NPHP3: variants seen among roughly 807,000 people sequenced by gnomAD.
NPHP3 encodes the protein nephrocystin 3.
In NPHP3, 123 loss-of-function variants were observed where a neutral mutation model predicts 171.9. The observed-to-expected ratio is 0.72, with a 90% CI of 0.62 to 0.83. The LOEUF is 0.83. Ranked by LOEUF, NPHP3 falls within the 40% of genes least tolerant of loss-of-function variation. The probability of loss-of-function intolerance (pLI) is 0.00; values close to 1 mark genes in which losing one functional copy is unlikely to be tolerated. For synonymous variants in NPHP3, 558 were observed against 579.2 expected, an observed-to-expected ratio of 0.96 and a Z score of 0.52; for missense variants, 1,506 against 1,591.9, an observed-to-expected ratio of 0.95 and a Z score of 0.92.
At chr3:132,682,510 C>A in intron 26 of NPHP3, 193 bp downstream of exon 26, 1 of 601,106 alleles carries the variant, frequency 1.7e-6, no homozygotes, top group Admixed American at 2.9e-5. Flanking sequence ...ACATATGCTC[C>A]TCTGCAAAAT....
intron 8 of NPHP3, among the ~76,000 whole-genome samples, chr3:132,704,596 A>T (rs1463718798): frequency 3.9e-5 from 6 of 152,242 alleles, no homozygotes; most frequent in Non-Finnish European, 8.8e-5. Context: ...ACCTCTTTTT[A>T]TAAAAATAAA....
chr3:132,715,367 A>T, intron 4 of NPHP3, 149 bp from the exon 5 acceptor site: 1 of 671,238 alleles, frequency 1.5e-6, no homozygotes, highest in Non-Finnish European at 2.6e-6. Flanking sequence ...ATATATTCAA[A>T]GGCAATTAGT....
intron 21 of NPHP3, among the ~76,000 whole-genome samples, 185 bp from the exon 22 acceptor site, chr3:132,687,411 A>C (rs1939189288): frequency 6.6e-6 from 1 of 152,202 alleles, no homozygotes; most frequent in African/African-American, 2.4e-5. Context: ...AATATGACAA[A>C]ACACTAAGAT....
chr3:132,718,091 C>T (rs1940107063), intron 3 of NPHP3: 2 of 453,468 alleles, frequency 4.4e-6, no homozygotes, highest in Non-Finnish European at 8.9e-6. Context: ...ATAAAAATTC[C>T]AGGATGTTGG....
chr3:132,720,341 C>T (rs1012991756), intron 1 of NPHP3, among the ~76,000 whole-genome samples: 18 of 152,098 alleles, frequency 1.2e-4, no homozygotes, highest in Admixed American at 9.2e-4. Flanking sequence ...GAGAAAGGAA[C>T]CAGTATGTTT....
In NPHP3 at chr3:132,700,330, A is replaced by C; in HGVS notation, c.1743+4T>G. The C allele has an allele frequency of 6.4e-7, 1 of 1,570,086 alleles. No individual in the cohort carries two copies. The highest frequency in any genetic ancestry group is 1.3e-5 in the African/African-American group (1 of 74,120). Reference sequence around the variant, plus strand: ...CTGTAATTCCAAAAGATGGGATACTATACCTTTAGAGTTAGTCGTTTAATA... The same window carrying C: ...CTGTAATTCCAAAAGATGGGATACTCTACCTTTAGAGTTAGTCGTTTAATA... On this transcript the variant is annotated splice_donor_region_variant and intron_variant, in intron 11 of 26. Transcript: ENST00000337331.
chr3:132,721,210 G>A (rs1208323287), intron 1 of NPHP3, among the ~76,000 whole-genome samples: 1 of 152,174 alleles, frequency 6.6e-6, no homozygotes, highest in Non-Finnish European at 1.5e-5. Flanking sequence ...GAGCCACCAC[G>A]CCCGGCTGCT....
At chr3:132,707,382 C>T (rs574290934) in intron 7 of NPHP3, among the ~76,000 whole-genome samples, 3 of 152,062 alleles carry the variant, frequency 2.0e-5, no homozygotes, top group South Asian at 4.1e-4. Context: ...GAGGACTGCT[C>T]GATCTCTGAG....
In NPHP3 at chr3:132,715,081, T is replaced by C. The variant is rs754152785; in HGVS notation, c.957+4A>G. 1.2e-6 allele frequency: 2 copies of C among 1,609,060 alleles called. No homozygotes were observed. The highest frequency in any genetic ancestry group is 2.7e-5 in the African/African-American group (2 of 74,970). On this transcript the variant is annotated splice_donor_region_variant and intron_variant, in intron 5 of 26. Transcript: ENST00000337331. ...GTTGATACAGAATTTATAAATATCCTCACCTTAAGGAAAAGATCCATCTCA... is the reference window on the plus strand; with the variant it reads ...GTTGATACAGAATTTATAAATATCCCCACCTTAAGGAAAAGATCCATCTCA...
In NPHP3 at chr3:132,699,427, C is replaced by T. The variant is rs919854764; in HGVS notation, c.1911G>A (p.Trp637Ter). 6.2e-7 allele frequency: 1 copy of T among 1,610,888 alleles called. No homozygotes were observed. The highest frequency in any genetic ancestry group is 1.3e-5 in the African/African-American group (1 of 74,868). Residue 637 changes from tryptophan to a stop codon, truncating the protein, a stop_gained, in exon 13 of 27, where the codon TGG becomes TGA. Transcript: ENST00000337331. LOFTEE classifies it high-confidence loss of function. ...QVQQVEKHMK[W>*]LIDPLPVNVR... ...CATTCACTGGCAGTGGATCTATCAG[C>T]CATTTCATGTGTTTTTCAACTTGCT...
At position 132,701,482 on chromosome 3, in the gene NPHP3, G is replaced by A. The variant is rs762691643; in HGVS notation, c.1576C>T (p.Leu526Phe). ...GAACCTGGTCCTCCAGACACGAGAA[G>A]AGGTGGAATCGGGGCTGGTGCTGCC... is the stretch of plus-strand genomic sequence containing the variant. ...LVAAPAPIPP[L>F]LVSGGPGSGK... The change falls in exon 10 of 27, where the codon CTT becomes TTT. Residue 526 changes from leucine to phenylalanine, a missense_variant. Physicochemically the swap from Leu to Phe is conservative, Grantham distance 22. Transcript: ENST00000337331. 7 of 1,613,766 alleles carry A rather than the reference G, an allele frequency of 4.3e-6. No individual in the cohort carries two copies. In the African/African-American group the frequency reaches 8.0e-5, roughly 18 times the overall value.
At chr3:132,719,247 T>C in intron 2 of NPHP3, 103 bp from the exon 3 acceptor site, 1 of 924,298 alleles carries the variant, frequency 1.1e-6, no homozygotes, top group Non-Finnish European at 1.6e-6. Context: ...CAATATTCAT[T>C]TGGTCCTCGA....
At chr3:132,708,016 T>C (rs1939799428) in intron 7 of NPHP3, 85 bp downstream of exon 7, 1 of 1,319,210 alleles carries the variant, frequency 7.6e-7, no homozygotes. Flanking sequence ...TCCCCAGATA[T>C]GCCAGGCTTA....
At chr3:132,706,095 C>T (rs1939740158) in intron 7 of NPHP3, among the ~76,000 whole-genome samples, 1 of 152,014 alleles carries the variant, frequency 6.6e-6, no homozygotes, top group Non-Finnish European at 1.5e-5. Flanking sequence ...CGCGGTGGCT[C>T]ATGCCTGTAA....
Position 132,688,501 on chromosome 3 carries a change from A to G in NPHP3, c.3125+149T>C, listed in dbSNP as rs941774742. 3.5e-6 allele frequency: 3 copies of G among 851,994 alleles called. No individual in the cohort carries two copies. In the South Asian group the frequency reaches 4.2e-5, roughly 12 times the overall value. The allele number at this position is 851,994 out of a possible 1,614,324, so 52.8% of individuals were successfully genotyped here. On this transcript the variant is annotated intron_variant, in intron 21 of 26. Transcript: ENST00000337331. ...GCATCTTCAAACAGAGATGAATCTT[A>G]TAGTTCTCATTTTCTCTGTTTACCA...
At chr3:132,690,674 T>G in intron 18 of NPHP3, 24 bp from the exon 19 acceptor site, 5 of 1,612,802 alleles carry the variant, frequency 3.1e-6, no homozygotes, top group Non-Finnish European at 4.2e-6. Context: ...GGAGACAATA[T>G]TCAATATCTT....
chr3:132,704,450 G>C, intron 8 of NPHP3, 79 bp from the exon 9 acceptor site: 2 of 1,498,264 alleles, frequency 1.3e-6, no homozygotes, highest in Non-Finnish European at 1.9e-6. Context: ...GCCCAAAGTG[G>C]GCTTCACCTA....
chr3:132,710,097 G>A (rs1019625381), intron 6 of NPHP3, among the ~76,000 whole-genome samples: 1 of 152,178 alleles, frequency 6.6e-6, no homozygotes, highest in African/African-American at 2.4e-5. Context: ...GTCATGAGGT[G>A]ATAATTGCTG....
chr3:132,713,543 C>T (rs1002948420), intron 5 of NPHP3, among the ~76,000 whole-genome samples: 3 of 152,056 alleles, frequency 2.0e-5, no homozygotes, highest in African/African-American at 7.2e-5. Context: ...GCTAGAACAA[C>T]AGGAGACAGT....
Sources: gnomAD v4.1 joint callset for allele counts (sites outside exome capture counted in the v4.1 genomes callset) on GRCh38, gnomAD v4.1.1 for gene constraint, MANE v1.5 for transcripts, NCBI Gene and HGNC (gene_info 2026-07-23, HGNC 2026-07-21) for gene names.